KCNAB1: variants seen among roughly 807,000 people sequenced by gnomAD.
The protein encoded by KCNAB1 is voltage-gated potassium channel subunit beta-1.
A neutral mutation model predicts 64.6 loss-of-function variants in KCNAB1; 35 were observed. The ratio of observed to expected loss-of-function variants is 0.54; its 90% CI spans 0.41 to 0.72. KCNAB1 has a LOEUF of 0.72. Among genes scored for constraint, KCNAB1 ranks in the 30% least tolerant of loss-of-function variants. The pLI, the probability that KCNAB1 is intolerant of heterozygous loss-of-function variation, is 0.00. For synonymous variants in KCNAB1, 177 were observed against 183.8 expected (o/e 0.96, Z 0.30); for missense variants, 401 against 512.9 (o/e 0.78, Z 2.11).
intron 1 of KCNAB1, among the ~76,000 whole-genome samples, chr3:156,408,591 C>T (rs1356190507): frequency 2.0e-5 from 3 of 152,056 alleles, no homozygotes; most frequent in Non-Finnish European, 2.9e-5. Context: ...ACCAGCCTGG[C>T]CAACATGGCA....
intron 2 of KCNAB1, among the ~76,000 whole-genome samples, chr3:156,425,710 G>A (rs1715768587): frequency 1.3e-5 from 2 of 152,180 alleles, no homozygotes; most frequent in Non-Finnish European, 1.5e-5. Context: ...CAGAAGATAC[G>A]AGGACAAGAG....
At chr3:156,531,222 G>C (rs1718680577) in intron 12 of KCNAB1, among the ~76,000 whole-genome samples, 187 bp from the exon 13 acceptor site, 1 of 152,122 alleles carries the variant, frequency 6.6e-6, no homozygotes, top group Admixed American at 6.6e-5. Context: ...GGCTTTGACA[G>C]ATTCTGTCAA....
At chr3:156,240,815 T>A (rs1717119493) in intron 1 of KCNAB1, among the ~76,000 whole-genome samples, 1 of 152,142 alleles carries the variant, frequency 6.6e-6, no homozygotes, top group South Asian at 2.1e-4. Flanking sequence ...GCACAAGCAG[T>A]TCATTTGGGA....
chr3:156,312,454 A>T (rs1721972993), intron 1 of KCNAB1, among the ~76,000 whole-genome samples: 2 of 152,210 alleles, frequency 1.3e-5, no homozygotes, highest in African/African-American at 4.8e-5. Context: ...CAAATATTTC[A>T]TAATACCAGC....
At chr3:156,506,091 A>G (rs1402220310) in intron 8 of KCNAB1, among the ~76,000 whole-genome samples, 1 of 152,202 alleles carries the variant, frequency 6.6e-6, no homozygotes, top group Non-Finnish European at 1.5e-5. Flanking sequence ...GCTATTGTAA[A>G]TGATATTGCT....
In KCNAB1 at chr3:156,179,000, C is replaced by CAAA. The variant is rs200144513; in HGVS notation, c.275+58139_275+58141dup. Among the ~76,000 whole-genome samples, 159 of 108,022 alleles carry CAAA rather than the reference C, an allele frequency of 1.5e-3. 3 individuals carry two copies. Among genetic ancestry groups the CAAA allele is most frequent in the African/African-American group, 5.7e-3 (136 of 23,954 alleles). 70.9% of individuals were successfully genotyped at this position (108,022 alleles called of 152,430 possible). A position where few individuals can be genotyped will look rare whatever the true frequency, so the allele number is the denominator to read the frequency against. ...TGGGAGACACAGCGAGACTCCGTCT[C>CAAA]AAAAAAAAAAAAAAAAAAAAAAAAA... On this transcript the variant is annotated intron_variant, in intron 1 of 13. Transcript: ENST00000490337.
chr3:156,245,300 A>G (rs75869734), intron 1 of KCNAB1, among the ~76,000 whole-genome samples: 2,602 of 152,250 alleles, frequency 0.017, 49 homozygotes, highest in South Asian at 0.029. Context: ...CTATTTTTAA[A>G]TTAAACATAT....
At chr3:156,221,635 G>A (rs529035182) in intron 1 of KCNAB1, among the ~76,000 whole-genome samples, 27 of 152,106 alleles carry the variant, frequency 1.8e-4, no homozygotes, top group East Asian at 7.7e-4. Flanking sequence ...AAAATTAGCC[G>A]GACATGGTGG....
chr3:156,459,811 C>T lies in KCNAB1; in HGVS notation c.438-16C>T. On this transcript the variant is annotated splice_polypyrimidine_tract_variant and intron_variant, in intron 4 of 13. Coordinates refer to ENST00000490337, the MANE Select transcript of KCNAB1 (RefSeq NM_172160.3). ...AGGACACTGCATTCTAAGACATTATCTGTTTCCCCTTCCAGGGCTGAAGTG... is the reference window on the plus strand; with the variant it reads ...AGGACACTGCATTCTAAGACATTATTTGTTTCCCCTTCCAGGGCTGAAGTG... The T allele has an allele frequency of 6.3e-7, 1 of 1,596,694 alleles. No individual in the cohort carries two copies. Among genetic ancestry groups the T allele is most frequent in the Non-Finnish European group, 8.6e-7 (1 of 1,165,514 alleles).
intron 1 of KCNAB1, among the ~76,000 whole-genome samples, chr3:156,251,307 G>C (rs1717816504): frequency 6.6e-6 from 1 of 152,186 alleles, no homozygotes; most frequent in African/African-American, 2.4e-5. Flanking sequence ...TTGAGAGTAA[G>C]TATGCTTGAT....
intron 1 of KCNAB1, among the ~76,000 whole-genome samples, chr3:156,285,978 TTTGA>T (rs934290996): frequency 6.6e-6 from 1 of 152,226 alleles, no homozygotes; most frequent in African/African-American, 2.4e-5. Flanking sequence ...ACACCTATCC[TTTGA>T]TTAATTATGC....
chr3:156,530,596 G>A (rs545325831), intron 12 of KCNAB1, among the ~76,000 whole-genome samples: 8 of 152,286 alleles, frequency 5.3e-5, no homozygotes, highest in South Asian at 2.1e-4. Flanking sequence ...TCTCTAGCAC[G>A]CTCAGCTACC....
intron 8 of KCNAB1, among the ~76,000 whole-genome samples, chr3:156,493,011 A>G (rs186836232): frequency 1.1e-4 from 16 of 152,304 alleles, no homozygotes; most frequent in Admixed American, 9.2e-4. Context: ...ACAAAGCTAA[A>G]GAGTAAAACA....
intron 6 of KCNAB1, among the ~76,000 whole-genome samples, chr3:156,464,489 AAT>A (rs1576900818): frequency 6.0e-5 from 3 of 49,804 alleles, no homozygotes; most frequent in African/African-American, 2.1e-4. Context: ...GCAAAAAAAT[AAT>A]AATAATAATA....
chr3:156,281,632 A>G (rs1719731619), intron 1 of KCNAB1, among the ~76,000 whole-genome samples: 1 of 152,140 alleles, frequency 6.6e-6, no homozygotes, highest in Non-Finnish European at 1.5e-5. Context: ...GATTATTGCC[A>G]CAATTTCAGC....
At chr3:156,521,939 A>G (rs1717962990) in intron 11 of KCNAB1, among the ~76,000 whole-genome samples, 1 of 129,504 alleles carries the variant, frequency 7.7e-6, no homozygotes, top group African/African-American at 2.6e-5. Flanking sequence ...TCAATAAATA[A>G]TTGCTTTTTT....
At chr3:156,514,977 C>T in intron 9 of KCNAB1, 123 bp from the exon 10 acceptor site, 2 of 915,378 alleles carry the variant, frequency 2.2e-6, no homozygotes, top group Non-Finnish European at 1.6e-6. Flanking sequence ...TATTATTTGG[C>T]ATCCTACATG....
At chr3:156,475,991 T>G (rs1373272850) in intron 8 of KCNAB1, among the ~76,000 whole-genome samples, 1 of 152,164 alleles carries the variant, frequency 6.6e-6, no homozygotes, top group Non-Finnish European at 1.5e-5. Flanking sequence ...TAAAGCAGTA[T>G]CAGCGTGGGA....
chr3:156,139,387 A>G (rs1714560598), intron 1 of KCNAB1, among the ~76,000 whole-genome samples: 1 of 152,022 alleles, frequency 6.6e-6, no homozygotes. Flanking sequence ...TGTTTTAGAA[A>G]CTGCTTTCCT....
Sources: allele counts gnomAD v4.1 joint callset (sites outside exome capture counted in the v4.1 genomes callset), GRCh38; gene constraint gnomAD v4.1.1; transcripts MANE v1.5; gene names NCBI Gene and HGNC (gene_info 2026-07-23, HGNC 2026-07-21).